The following TCEA2 variants were observed in gnomAD, a reference collection of about 807,000 sequenced individuals.
The protein encoded by TCEA2 is transcription elongation factor A protein 2.
In TCEA2, 21 loss-of-function variants were observed where a neutral mutation model predicts 40.8. The ratio of observed to expected loss-of-function variants is 0.51; its 90% confidence interval spans 0.36 to 0.74. The LOEUF (loss-of-function observed/expected upper bound fraction) is 0.74. Among genes scored for constraint, TCEA2 ranks in the 30% least tolerant of loss-of-function variants. The pLI is 0.00. For synonymous variants in TCEA2, 165 were observed against 162.7 expected (o/e 1.01, Z -0.11); for missense variants, 326 against 426.5 (o/e 0.76, Z 2.08).
At position 64,071,836 on chromosome 20, in the gene TCEA2, A is replaced by T. The variant is rs111328292; in HGVS notation, c.820-34A>T. 2.8e-5 allele frequency: 45 copies of T among 1,610,868 alleles called. No homozygotes were observed. The African/African-American group carries it at 4.8e-4, about 17-fold the overall frequency. ...GGATGCCGTCTGCAGCGGAGCATGG[A>T]GGTGACCCTGGGTTCACCCAGCCCT... On this transcript the variant is annotated intron_variant, in intron 8 of 9. Transcript: ENST00000343484.
upstream of TCEA2, chr20:64,063,140 T>C (rs1421428334): frequency 4.6e-6 from 2 of 435,136 alleles, no homozygotes; most frequent in Non-Finnish European, 7.0e-6. Context: ...GGACTACGCA[T>C]CCTAGGATGC....
chr20:64,065,296 C>T (rs763681454), intron 1 of TCEA2, among the ~76,000 whole-genome samples: 8 of 41,218 alleles, frequency 1.9e-4, no homozygotes, highest in South Asian at 4.0e-3. Flanking sequence ...GGGGCTGCAG[C>T]GTGAGCAGAC....
At chr20:64,067,980 G>T in intron 3 of TCEA2, 67 bp from the exon 4 acceptor site, 1 of 1,245,156 alleles carries the variant, frequency 8.0e-7, no homozygotes, top group Non-Finnish European at 1.1e-6. Context: ...GCTGTACCTT[G>T]GTGGTGGTCT....
upstream of TCEA2, among the ~76,000 whole-genome samples, chr20:64,059,670 A>G (rs1398914454): frequency 6.6e-6 from 1 of 151,918 alleles, no homozygotes; most frequent in Non-Finnish European, 1.5e-5. Context: ...GGGGAGTGCA[A>G]GGGGGCAGTC....
intron 4 of TCEA2, among the ~76,000 whole-genome samples, chr20:64,068,639 G>A (rs1204133006): frequency 6.6e-6 from 1 of 152,280 alleles, no homozygotes. Flanking sequence ...ATTGTGGCAG[G>A]CTATAGCCGA....
chr20:64,070,245 T>C lies in TCEA2; in HGVS notation c.518-15T>C. On this transcript the variant is annotated splice_polypyrimidine_tract_variant and intron_variant, in intron 6 of 9. Coordinates refer to ENST00000343484, the MANE Select transcript of TCEA2 (RefSeq NM_003195.6). ...AGCGACGTTGTCCTCAGGTGGGTCC[T>C]TAAAACACTTGCACGCATCTTCCGG... 6.2e-7 allele frequency: 1 copy of C among 1,613,778 alleles called. No homozygotes were observed. Among genetic ancestry groups the C allele is most frequent in the Non-Finnish European group, 8.5e-7 (1 of 1,179,766 alleles).
At chr20:64,059,902 G>A (rs537331342), upstream of TCEA2, among the ~76,000 whole-genome samples, 18 of 152,206 alleles carry the variant, frequency 1.2e-4, no homozygotes, top group African/African-American at 3.6e-4. Context: ...AGAACCTTGC[G>A]CTTGTCCATC....
rs751258102 is a variant in TCEA2 at position 64,066,921 on chromosome 20, C to T, written c.142C>T (p.Arg48Ter). Residue 48 changes from arginine to a stop codon, truncating the protein, a stop_gained, in exon 3 of 10, where the codon CGA becomes TGA. Coordinates refer to ENST00000343484, the MANE Select transcript of TCEA2 (RefSeq NM_003195.6). LOFTEE classifies it high-confidence loss of function. ...PITLHLLQSTRVGMSVNALRK... is the reference protein window; with the variant it reads ...PITLHLLQST ...CAGACCACTTGCCTCGTAGTCCACC[C>T]GAGTCGGGATGTCTGTCAACGCCCT... The T allele has an allele frequency of 6.2e-6, 10 of 1,613,846 alleles. No individual in the cohort carries two copies. The highest frequency in any genetic ancestry group is 1.1e-5 in the South Asian group (1 of 91,008).
At chr20:64,065,395 A>C (rs980928712) in intron 1 of TCEA2, among the ~76,000 whole-genome samples, 5 of 152,304 alleles carry the variant, frequency 3.3e-5, no homozygotes, top group African/African-American at 9.6e-5. Context: ...TGATCAGGTC[A>C]CCTTAGGGCA....
chr20:64,059,302 C>T (rs189599631), upstream of TCEA2, among the ~76,000 whole-genome samples: 10 of 152,180 alleles, frequency 6.6e-5, no homozygotes, highest in Middle Eastern at 3.4e-3. Context: ...TGAGACGCCT[C>T]GCACTGTTCC....
chr20:64,060,860 G>A (rs938189465), upstream of TCEA2, among the ~76,000 whole-genome samples: 4 of 152,020 alleles, frequency 2.6e-5, no homozygotes, highest in African/African-American at 7.3e-5. Flanking sequence ...CATGATCTCG[G>A]CTCACTGCCA....
chr20:64,069,255 G>A, intron 4 of TCEA2, 106 bp from the exon 5 acceptor site: 1 of 1,440,258 alleles, frequency 6.9e-7, no homozygotes, highest in Non-Finnish European at 9.2e-7. Context: ...AACAAGCAGG[G>A]GTTGGTGGGG....
upstream of TCEA2, among the ~76,000 whole-genome samples, chr20:64,060,707 A>C (rs6090040): frequency 0.52 from 79,506 of 151,988 alleles, 21,077 homozygotes; most frequent in East Asian, 0.68. Context: ...TTCATCTATT[A>C]ATAATAATAA....
At chr20:64,066,424 A>T in intron 1 of TCEA2, 52 bp from the exon 2 acceptor site, 1 of 1,584,644 alleles carries the variant, frequency 6.3e-7, no homozygotes, top group Non-Finnish European at 8.7e-7. Flanking sequence ...AGGAGGTGAT[A>T]TTGTCTGTTG....
At chr20:64,062,881 A>C (rs1349309273), upstream of TCEA2, 2 of 153,602 alleles carry the variant, frequency 1.3e-5, no homozygotes, top group African/African-American at 4.8e-5. Flanking sequence ...ACGCCGCGGG[A>C]CAGCAAGGCC....
intron 6 of TCEA2, 187 bp from the exon 7 acceptor site, chr20:64,070,073 G>A: frequency 1.0e-6 from 1 of 959,092 alleles, no homozygotes; most frequent in Non-Finnish European, 1.6e-6. Context: ...TCTCAGTCAG[G>A]AATGGGCCTG....
At chr20:64,069,275 G>A in intron 4 of TCEA2, 86 bp from the exon 5 acceptor site, 1 of 1,478,830 alleles carries the variant, frequency 6.8e-7, no homozygotes, top group East Asian at 2.5e-5. Context: ...GGATTATGCT[G>A]TGGCACCTGC....
intron 8 of TCEA2, among the ~76,000 whole-genome samples, chr20:64,070,855 T>C (rs572400225): frequency 9.7e-4 from 148 of 152,162 alleles, no homozygotes; most frequent in Non-Finnish European, 1.9e-3. Context: ...GGGACCCACT[T>C]GTTGCGGATA....
intron 4 of TCEA2, 58 bp from the exon 5 acceptor site, chr20:64,069,303 T>G: frequency 6.6e-7 from 1 of 1,512,048 alleles, no homozygotes; most frequent in Non-Finnish European, 8.9e-7. Context: ...AGGACCAGTG[T>G]CTCGCTGGGG....
Sources: allele counts gnomAD v4.1 joint callset (sites outside exome capture counted in the v4.1 genomes callset), GRCh38; gene constraint gnomAD v4.1.1; transcripts MANE v1.5; gene names NCBI Gene and HGNC (gene_info 2026-07-23, HGNC 2026-07-21).